The following MGST1 variants were observed in gnomAD, a reference collection of about 807,000 sequenced individuals.
MGST1 encodes microsomal glutathione S-transferase 1.
A neutral mutation model predicts 8.9 loss-of-function variants in MGST1; 5 were observed. That is an observed-to-expected ratio of 0.56 (90% CI 0.29 to 1.19). The LOEUF is 1.19. Among genes scored for constraint, MGST1 ranks in the 50% most tolerant of loss-of-function variants. MGST1 has a pLI of 0.08. For synonymous variants in MGST1, 54 were observed against 67.8 expected, an observed-to-expected ratio of 0.80 and a Z score of 1.00; for missense variants, 182 against 187.4, an observed-to-expected ratio of 0.97 and a Z score of 0.17.
chr12:16,533,520 C>T (rs1418956740), intron 4 of MGST1, among the ~76,000 whole-genome samples: 1 of 152,148 alleles, frequency 6.6e-6, no homozygotes, highest in Non-Finnish European at 1.5e-5. Flanking sequence ...CTTCTTCAAG[C>T]TCATCAGGCT....
chr12:16,571,112 G>T (rs1265111409), intron 4 of MGST1, among the ~76,000 whole-genome samples: 1 of 152,058 alleles, frequency 6.6e-6, no homozygotes, highest in Non-Finnish European at 1.5e-5. Flanking sequence ...CCTCGTTGAA[G>T]AAACAACCTA....
intron 4 of MGST1, among the ~76,000 whole-genome samples, chr12:16,557,886 C>T (rs1432940007): frequency 6.6e-6 from 1 of 151,994 alleles, no homozygotes; most frequent in African/African-American, 2.4e-5. Context: ...TCTCTTCTCA[C>T]TATAAATGTC....
chr12:16,473,395 A>T (rs993003276), intron 4 of MGST1, among the ~76,000 whole-genome samples: 3 of 152,210 alleles, frequency 2.0e-5, no homozygotes, highest in African/African-American at 4.8e-5. Flanking sequence ...AATGAAGAGT[A>T]TTAGAAACAC....
intron 4 of MGST1, among the ~76,000 whole-genome samples, chr12:16,530,887 A>G (rs930622475): frequency 5.9e-5 from 9 of 152,088 alleles, no homozygotes; most frequent in Non-Finnish European, 1.3e-4. Flanking sequence ...AAGTAAGAGC[A>G]TGGTCTTTGC....
At position 16,586,914 on chromosome 12, in the gene MGST1, C is replaced by T. The variant is rs74718931; in HGVS notation, n.483-2614C>T. On this transcript the variant is annotated intron_variant and non_coding_transcript_variant, in intron 4 of 4. Coordinates refer to the MGST1 transcript ENST00000538857. The surrounding 1 kb of genome is among the most constrained non-coding windows in gnomAD (Gnocchi z 4.3). ...TCTCATCTAAATTCATGGAATTCTC[C>T]CCTCTAATAATAGAGTCATGTGATA... 3.9e-3 allele frequency among the ~76,000 whole-genome samples: 600 copies of T among 152,192 alleles called. 2 individuals are homozygous for T. Among genetic ancestry groups the T allele is most frequent in the African/African-American group, 0.014 (572 of 41,520 alleles).
intron 4 of MGST1, among the ~76,000 whole-genome samples, chr12:16,499,510 GA>G (rs1279958506): frequency 4.6e-5 from 7 of 151,890 alleles, no homozygotes; most frequent in African/African-American, 1.7e-4. Context: ...AGATTTGGGG[GA>G]AAAAAAGTTT....
chr12:16,553,463 G>A (rs1942070387), intron 4 of MGST1, among the ~76,000 whole-genome samples: 1 of 152,128 alleles, frequency 6.6e-6, no homozygotes, highest in Non-Finnish European at 1.5e-5. Flanking sequence ...TATATATAGA[G>A]CAACAGAGGC....
rs66984063 is a variant in MGST1 at position 16,450,839 on chromosome 12, C to CGTGTGTGT, written n.482+67266_482+67273dup. Among the ~76,000 whole-genome samples the CGTGTGTGT allele has an allele frequency of 3.4e-5, 5 of 147,992 alleles. No individual in the cohort carries two copies. The East Asian group carries it at 1.0e-3, about 31-fold the overall frequency. ...GGATGGTTTTCAAATATATATATTCCGTGTGTGTGTGTGTGTGTGTGTGTG... is the reference window on the plus strand; with the variant it reads ...GGATGGTTTTCAAATATATATATTCCGTGTGTGTGTGTGTGTGTGTGTGTGTGTGTGTG... On this transcript the variant is annotated intron_variant and non_coding_transcript_variant, in intron 4 of 4. Transcript: ENST00000538857.
At chr12:16,443,255 G>GT (rs1034559808), downstream of MGST1, among the ~76,000 whole-genome samples, 3 of 151,586 alleles carry the variant, frequency 2.0e-5, no homozygotes, top group African/African-American at 7.3e-5. Context: ...TTTAAAGTAT[G>GT]TTTTTTGAAA....
In MGST1 at chr12:16,361,282, T is replaced by C. The variant is rs1235336421; in HGVS notation, c.222-2513T>C. On this transcript the variant is annotated intron_variant, in intron 3 of 3. Transcript: ENST00000396210. This position sits in a 1 kb window ranked among gnomAD's most constrained non-coding sequence, Gnocchi z 4.2. Reference sequence around the variant, plus strand: ...CAGCCTGACAATCCCCAGAAGCATGTAGCAATGGCAGTCCAGGTCAGGTGG... The same window carrying C: ...CAGCCTGACAATCCCCAGAAGCATGCAGCAATGGCAGTCCAGGTCAGGTGG... 2.0e-5 allele frequency among the ~76,000 whole-genome samples: 3 copies of C among 152,136 alleles called. No homozygotes were observed. The highest frequency in any genetic ancestry group is 2.9e-5 in the Non-Finnish European group (2 of 68,036).
rs542200537 is a variant in MGST1 at position 16,503,984 on chromosome 12, G to A, written n.483-85544G>A. Reference sequence around the variant, plus strand: ...CCCTATGCTGCTGCTTCGATAAAAGGTGTTGTCTAACACTTCCGGCTCACC... The same window carrying A: ...CCCTATGCTGCTGCTTCGATAAAAGATGTTGTCTAACACTTCCGGCTCACC... On this transcript the variant is annotated intron_variant and non_coding_transcript_variant, in intron 4 of 4. Coordinates refer to the MGST1 transcript ENST00000538857. This position sits in a 1 kb window ranked among gnomAD's most constrained non-coding sequence, Gnocchi z 4.8. Among the ~76,000 whole-genome samples, 4 of 152,228 alleles carry A rather than the reference G, an allele frequency of 2.6e-5. No homozygotes were observed. The South Asian group carries it at 6.2e-4, about 24-fold the overall frequency.
exon 2 of MGST1, chr12:16,438,101 A>G (rs1479845674): frequency 1.3e-5 from 2 of 151,964 alleles, no homozygotes; most frequent in African/African-American, 2.4e-5. Flanking sequence ...ACTATGTGGC[A>G]CAAATCTGAA....
At chr12:16,399,996 G>A (rs878870723) in intron 1 of MGST1, 9 of 1,472,972 alleles carry the variant, frequency 6.1e-6, no homozygotes, top group South Asian at 2.3e-5. Context: ...AGGTACTCCT[G>A]TAGGGAGCTC....
At chr12:16,358,283 T>C (rs1939819165) in intron 3 of MGST1, among the ~76,000 whole-genome samples, 1 of 152,184 alleles carries the variant, frequency 6.6e-6, no homozygotes, top group South Asian at 2.1e-4. Flanking sequence ...AACCTTTGTC[T>C]CCCCTTCTGT....
At chr12:16,540,365 T>C (rs948477267) in intron 4 of MGST1, among the ~76,000 whole-genome samples, 1 of 152,184 alleles carries the variant, frequency 6.6e-6, no homozygotes, top group Non-Finnish European at 1.5e-5. Flanking sequence ...CTTTACCTCC[T>C]GGGCTTAAGC....
chr12:16,515,954 T>A (rs779543783), intron 4 of MGST1, among the ~76,000 whole-genome samples: 1 of 152,232 alleles, frequency 6.6e-6, no homozygotes, highest in Non-Finnish European at 1.5e-5. Flanking sequence ...AACCACCATC[T>A]GCTCTAATTA....
At chr12:16,506,976 C>T (rs1941542117) in intron 4 of MGST1, among the ~76,000 whole-genome samples, 1 of 152,030 alleles carries the variant, frequency 6.6e-6, no homozygotes, top group Non-Finnish European at 1.5e-5. Flanking sequence ...GGGCTCCAGG[C>T]CCAATAAAGG....
At chr12:16,488,652 G>A (rs1291625995) in intron 4 of MGST1, among the ~76,000 whole-genome samples, 1 of 151,828 alleles carries the variant, frequency 6.6e-6, no homozygotes, top group South Asian at 2.1e-4. Context: ...AGTGATTAAT[G>A]TAATTAATAC....
intron 4 of MGST1, among the ~76,000 whole-genome samples, chr12:16,507,804 A>G: frequency 6.6e-6 from 1 of 152,078 alleles, no homozygotes; most frequent in East Asian, 1.9e-4. Context: ...TGCCCCCATG[A>G]TTCAATCACC....
Sources: gnomAD v4.1 joint callset for allele counts (sites outside exome capture counted in the v4.1 genomes callset) on GRCh38, gnomAD v4.1.1 for gene constraint, Gnocchi (gnomAD v3.1) non-coding constraint, MANE v1.5 for transcripts, NCBI Gene and HGNC (gene_info 2026-07-23, HGNC 2026-07-21) for gene names.